The following R3HDM1 variants were observed in gnomAD, a reference collection of about 807,000 sequenced individuals.
R3HDM1 encodes R3H domain-containing protein 1.
In R3HDM1, 46 loss-of-function variants were observed where a neutral mutation model predicts 141.1. The ratio of observed to expected loss-of-function variants is 0.33; its 90% CI spans 0.26 to 0.42. R3HDM1 has a LOEUF of 0.42. R3HDM1 is among the 10% of genes least tolerant of loss of function. The probability of loss-of-function intolerance (pLI) is 1.00; values close to 1 mark genes in which losing one functional copy is unlikely to be tolerated. For missense variants in R3HDM1, 1,184 were observed against 1,368.3 expected, an observed-to-expected ratio of 0.87 and a Z score of 2.12; for synonymous variants, 435 against 472.9, an observed-to-expected ratio of 0.92 and a Z score of 1.04.
At chr2:135,664,317 AAAC>A (rs2067183106) in intron 19 of R3HDM1, among the ~76,000 whole-genome samples, 1 of 152,142 alleles carries the variant, frequency 6.6e-6, no homozygotes, top group Non-Finnish European at 1.5e-5. Flanking sequence ...ATTTCTTGTC[AAAC>A]AACACTTGCT....
At chr2:135,654,052 A>T (rs1364887615) in intron 18 of R3HDM1, among the ~76,000 whole-genome samples, 1 of 152,108 alleles carries the variant, frequency 6.6e-6, no homozygotes, top group Middle Eastern at 3.2e-3. Flanking sequence ...TTGTACAACC[A>T]CCACTTCTGT....
chr2:135,567,766 G>T (rs183459355), intron 1 of R3HDM1, among the ~76,000 whole-genome samples: 2 of 151,688 alleles, frequency 1.3e-5, no homozygotes, highest in South Asian at 4.2e-4. Flanking sequence ...TAGAGATAAC[G>T]TCTCACTCTG....
chr2:135,684,235 C>T (rs969270214), intron 21 of R3HDM1, among the ~76,000 whole-genome samples: 5 of 151,856 alleles, frequency 3.3e-5, no homozygotes, highest in East Asian at 1.9e-4. Flanking sequence ...GGACTATAGG[C>T]GCCCGCCACT....
At chr2:135,709,176 C>T (rs778675784) in intron 21 of R3HDM1, among the ~76,000 whole-genome samples, 9 of 151,774 alleles carry the variant, frequency 5.9e-5, no homozygotes, top group Non-Finnish European at 1.2e-4. Flanking sequence ...TGGGTTTACA[C>T]CATTCTCCTG....
chr2:135,648,294 G>GT (rs1264688045), intron 16 of R3HDM1, among the ~76,000 whole-genome samples: 2 of 151,848 alleles, frequency 1.3e-5, no homozygotes, highest in East Asian at 3.9e-4. Flanking sequence ...CTAAGCTTTT[G>GT]TTTTTTAGAA....
intron 21 of R3HDM1, among the ~76,000 whole-genome samples, chr2:135,704,907 C>T (rs1355024417): frequency 6.6e-6 from 1 of 151,814 alleles, no homozygotes; most frequent in Non-Finnish European, 1.5e-5. Flanking sequence ...ATATATTTAC[C>T]CTATTGCAGA....
chr2:135,698,708 G>GA (rs1436133154), intron 21 of R3HDM1, among the ~76,000 whole-genome samples: 2 of 152,118 alleles, frequency 1.3e-5, no homozygotes, highest in African/African-American at 4.8e-5. Context: ...GAGGCCTCGG[G>GA]AAACTTCAAT....
rs1040543701 is a variant in R3HDM1 at position 135,650,842 on chromosome 2, A to T, written c.1725+839A>T. On this transcript the variant is annotated intron_variant, in intron 17 of 26. Coordinates refer to ENST00000683871, the MANE Select transcript of R3HDM1 (RefSeq NM_001378107.1). ...CTGCAGACATGTCAACTTTGATATG[A>T]TGACTCAATTGCCACAATTTTGTAA... 13 of 985,000 alleles carry T rather than the reference A, an allele frequency of 1.3e-5. No individual in the cohort carries two copies. In the South Asian group the frequency reaches 4.2e-4, roughly 32 times the overall value. The allele number at this position is 985,000 out of a possible 1,614,324, so 61.0% of individuals were successfully genotyped here.
intron 1 of R3HDM1, among the ~76,000 whole-genome samples, chr2:135,537,253 T>G (rs1208534111): frequency 6.9e-6 from 1 of 144,802 alleles, no homozygotes; most frequent in African/African-American, 2.5e-5. Context: ...TACAAAACAA[T>G]AGCTAAAGTG....
chr2:135,705,186 C>T lies in R3HDM1; in HGVS notation c.2460-4247C>T, dbSNP rs1223241969. Among the ~76,000 whole-genome samples, 6 of 152,170 alleles carry T rather than the reference C, an allele frequency of 3.9e-5. No individual in the cohort carries two copies. The East Asian group carries it at 9.6e-4, about 24-fold the overall frequency. ...GTACATTTTTATGTTTGGCTGTTTA[C>T]ACTTTGAATTATTTGGCCAAATCTT... is the stretch of plus-strand genomic sequence containing the variant. On this transcript the variant is annotated intron_variant, in intron 21 of 26. Coordinates refer to ENST00000683871, the MANE Select transcript of R3HDM1 (RefSeq NM_001378107.1).
intron 1 of R3HDM1, among the ~76,000 whole-genome samples, chr2:135,583,195 G>C (rs532219818): frequency 6.6e-6 from 1 of 151,954 alleles, no homozygotes; most frequent in Non-Finnish European, 1.5e-5. Context: ...TTTGTTTACC[G>C]GTCTCTCTAG....
chr2:135,573,584 G>A (rs1249827477), intron 1 of R3HDM1, among the ~76,000 whole-genome samples: 1 of 151,720 alleles, frequency 6.6e-6, no homozygotes, highest in African/African-American at 2.4e-5. Context: ...TTATAAGGGA[G>A]GGACTTAAAA....
intron 15 of R3HDM1, chr2:135,645,138 AC>A (rs969725290): frequency 9.6e-6 from 3 of 313,946 alleles, no homozygotes; most frequent in African/African-American, 9.4e-5. Flanking sequence ...CTGGGCCAGT[AC>A]CCCATAATAA....
At chr2:135,713,755 T>A (rs1437022155) in intron 23 of R3HDM1, among the ~76,000 whole-genome samples, 2 of 152,108 alleles carry the variant, frequency 1.3e-5, no homozygotes, top group African/African-American at 4.8e-5. Flanking sequence ...GCAGGGAAAG[T>A]ACCAGATGGG....
chr2:135,683,080 T>A (rs2070630763), intron 21 of R3HDM1, among the ~76,000 whole-genome samples: 1 of 152,204 alleles, frequency 6.6e-6, no homozygotes, highest in Non-Finnish European at 1.5e-5. Context: ...AAGGTAGATG[T>A]AAGCTGACAG....
chr2:135,610,002 C>T (rs1559234482), intron 3 of R3HDM1, among the ~76,000 whole-genome samples: 1 of 151,928 alleles, frequency 6.6e-6, no homozygotes, highest in Non-Finnish European at 1.5e-5. Context: ...TGAAACCGTG[C>T]CACTCTACTC....
intron 7 of R3HDM1, among the ~76,000 whole-genome samples, chr2:135,624,938 A>C (rs2061859330): frequency 6.6e-6 from 1 of 152,200 alleles, no homozygotes; most frequent in Non-Finnish European, 1.5e-5. Context: ...TAAAGATAGC[A>C]AAAACAGGGC....
intron 1 of R3HDM1, among the ~76,000 whole-genome samples, chr2:135,566,103 T>C (rs1178796118): frequency 6.6e-6 from 1 of 152,214 alleles, no homozygotes; most frequent in East Asian, 1.9e-4. Context: ...TATTTGAAAC[T>C]TAACTTCAGA....
At chr2:135,626,339 A>T (rs1435981761) in intron 7 of R3HDM1, among the ~76,000 whole-genome samples, 3 of 152,176 alleles carry the variant, frequency 2.0e-5, no homozygotes, top group African/African-American at 7.2e-5. Flanking sequence ...GGAAAACATG[A>T]TTAAAGAGGT....
Sources: gnomAD v4.1 joint callset for allele counts (sites outside exome capture counted in the v4.1 genomes callset) on GRCh38, gnomAD v4.1.1 for gene constraint, MANE v1.5 for transcripts, NCBI Gene and HGNC (gene_info 2026-07-23, HGNC 2026-07-21) for gene names.